TECR: variants seen among roughly 807,000 people sequenced by gnomAD.
The protein encoded by TECR is trans-2,3-enoyl-CoA reductase.
A neutral mutation model predicts 50.6 loss-of-function variants in TECR; 19 were observed. That is an observed-to-expected ratio of 0.38 (90% CI 0.26 to 0.55). The LOEUF (loss-of-function observed/expected upper bound fraction) is 0.55. TECR is among the 20% of genes least tolerant of loss of function. The pLI is 0.79. For missense variants in TECR, 313 were observed against 408.3 expected (o/e 0.77, Z 2.01); for synonymous variants, 168 against 163.5 (o/e 1.03, Z -0.21).
chr19:14,563,237 A>G lies in TECR; in HGVS notation c.98A>G (p.Lys33Arg). The change falls in exon 3 of 13, where the codon AAG becomes AGG. Residue 33 changes from lysine (K) to arginine (R), a missense_variant. Coordinates refer to ENST00000215567, the MANE Select transcript of TECR (RefSeq NM_138501.6). The surrounding 1 kb of genome is among the most constrained non-coding windows in gnomAD (Gnocchi z 5.3). The part of the protein sequence containing the change: ...VEPHATIAEI[K>R]NLFTKTHPQW... ...CCCCACGCCACCATTGCGGAGATCAAGAACCTCTTCACTAAGACCCGTGAG... is the reference window on the plus strand; with the variant it reads ...CCCCACGCCACCATTGCGGAGATCAGGAACCTCTTCACTAAGACCCGTGAG... 1 of 1,613,614 alleles carries G rather than the reference A, an allele frequency of 6.2e-7. No homozygotes were observed. Among genetic ancestry groups the G allele is most frequent in the Non-Finnish European group, 8.5e-7 (1 of 1,179,816 alleles).
chr19:14,564,035 C>A lies in TECR; in HGVS notation c.321C>A (p.Phe107Leu). The change falls in exon 6 of 13, where the codon TTC (phenylalanine) becomes TTA (leucine). Residue 107 changes from phenylalanine (F) to leucine (L), a missense_variant. Physicochemically the swap from Phe to Leu is conservative, Grantham distance 22. Transcript: ENST00000215567. ...GPLFIYLLFYFRVPFIYGHKY... is the reference protein window; with the variant it reads ...GPLFIYLLFYLRVPFIYGHKY... ...TTTTCATCTACCTGCTCTTCTACTTCCGAGTGCCCTTCATCTATGGCCACA... is the reference window on the plus strand; with the variant it reads ...TTTTCATCTACCTGCTCTTCTACTTACGAGTGCCCTTCATCTATGGCCACA... The A allele has an allele frequency of 6.2e-7, 1 of 1,614,020 alleles. No individual in the cohort carries two copies. Among genetic ancestry groups the A allele is most frequent in the Non-Finnish European group, 8.5e-7 (1 of 1,179,958 alleles).
chr19:14,543,449 T>A (rs2073195829), intron 1 of TECR, among the ~76,000 whole-genome samples: 1 of 51,956 alleles, frequency 1.9e-5, no homozygotes, highest in African/African-American at 6.5e-5. Context: ...TTTTTTTTTT[T>A]TTTTTTTGAG....
chr19:14,542,989 CT>C (rs572624462), intron 1 of TECR, among the ~76,000 whole-genome samples: 2,541 of 102,048 alleles, frequency 0.025, 48 homozygotes, highest in African/African-American at 0.068. Context: ...CTTCCAAATT[CT>C]TTTTTTTTTT....
chr19:14,541,419 G>A (rs918738216), intron 1 of TECR, among the ~76,000 whole-genome samples: 2 of 152,222 alleles, frequency 1.3e-5, no homozygotes, highest in Non-Finnish European at 2.9e-5. Flanking sequence ...GGCACTCACC[G>A]CACAGGTTGT....
chr19:14,543,727 C>A (rs192018025), intron 1 of TECR, among the ~76,000 whole-genome samples: 5 of 149,538 alleles, frequency 3.3e-5, no homozygotes, highest in African/African-American at 1.2e-4. Flanking sequence ...CGTGAGCCAC[C>A]GCGCCCGGCT....
chr19:14,548,724 C>T (rs1000997449), intron 1 of TECR, among the ~76,000 whole-genome samples: 4 of 151,994 alleles, frequency 2.6e-5, no homozygotes, highest in Non-Finnish European at 5.9e-5. Context: ...ATTACAGGCA[C>T]GCATCACCAC....
intron 1 of TECR, chr19:14,530,973 T>TACTCAGCCACCATTCC (rs1555728276): frequency 6.6e-6 from 1 of 152,216 alleles, no homozygotes; most frequent in Admixed American, 6.6e-5. Flanking sequence ...GCCACCATTC[T>TACTCAGCCACCATTCC]ACTCAGCCAC....
intron 1 of TECR, among the ~76,000 whole-genome samples, chr19:14,550,378 C>T (rs1313779890): frequency 6.6e-6 from 1 of 152,134 alleles, no homozygotes; most frequent in Non-Finnish European, 1.5e-5. Context: ...TGGGGGTGGA[C>T]TAACCTGTCT....
chr19:14,529,802 G>C, intron 1 of TECR, 91 bp downstream of exon 1: 3 of 1,584,128 alleles, frequency 1.9e-6, no homozygotes, highest in Non-Finnish European at 2.6e-6. Flanking sequence ...TTCTGGTCCT[G>C]TGCCCCGAAG....
chr19:14,545,216 G>T (rs1189759582), intron 1 of TECR: 1 of 456,712 alleles, frequency 2.2e-6, no homozygotes, highest in Non-Finnish European at 4.4e-6. Context: ...CTCTGCTCCA[G>T]CCTGCTGCTT....
chr19:14,563,293 C>T lies in TECR; in HGVS notation c.118+36C>T. The T allele has an allele frequency of 6.3e-7, 1 of 1,575,558 alleles. No individual in the cohort carries two copies. Among genetic ancestry groups the T allele is most frequent in the Non-Finnish European group, 8.7e-7 (1 of 1,144,852 alleles). ...GTCCCGGCCACACTGCCCCTGCAAC[C>T]CCTTTGACCAGGGACCTTAGGGTGG... On this transcript the variant is annotated intron_variant, in intron 3 of 12. Transcript: ENST00000215567. This position sits in a 1 kb window ranked among gnomAD's most constrained non-coding sequence, Gnocchi z 5.3.
intron 1 of TECR, among the ~76,000 whole-genome samples, chr19:14,548,941 G>A (rs965308242): frequency 3.3e-5 from 5 of 152,020 alleles, no homozygotes; most frequent in Non-Finnish European, 7.4e-5. Context: ...TGAGCATGGC[G>A]TGTTCAATAC....
At position 14,565,676 on chromosome 19, in the gene TECR, C is replaced by G. The variant is rs201028166; in HGVS notation, c.799+13C>G. 3.1e-6 allele frequency: 5 copies of G among 1,612,350 alleles called. No individual in the cohort carries two copies. The South Asian group carries it at 5.5e-5, about 18-fold the overall frequency. ...CAGTGTCTCCCAGGTGAGCCTGCCG[C>G]CCTCCCTCGGCGGGGCCCTGCCCCT... On this transcript the variant is annotated intron_variant, in intron 12 of 12. Transcript: ENST00000215567.
Position 14,563,527 on chromosome 19 carries a change from A to AG in TECR, c.119-129dup, listed in dbSNP as rs1430287855. On this transcript the variant is annotated intron_variant, in intron 3 of 12. Transcript: ENST00000215567. The surrounding 1 kb of genome is among the most constrained non-coding windows in gnomAD (Gnocchi z 5.3). ...CGCACAAGCCTGAGGGTTTGCCCCC[A>AG]GGTGGGAGGAGCTGTGGAGTCCTGG... 5.7e-6 allele frequency: 7 copies of AG among 1,219,768 alleles called. No homozygotes were observed. The African/African-American group carries it at 1.0e-4, about 18-fold the overall frequency. 75.6% of individuals were successfully genotyped at this position (1,219,768 alleles called of 1,614,324 possible).
At chr19:14,543,439 T>G (rs1446958639) in intron 1 of TECR, among the ~76,000 whole-genome samples, 1 of 49,918 alleles carries the variant, frequency 2.0e-5, no homozygotes, top group Non-Finnish European at 4.6e-5. Flanking sequence ...TTTTTTTTTT[T>G]TTTTTTTTTT....
intron 1 of TECR, among the ~76,000 whole-genome samples, chr19:14,542,421 G>C (rs1480986180): frequency 7.4e-6 from 1 of 134,970 alleles, no homozygotes; most frequent in African/African-American, 2.8e-5. Flanking sequence ...GAGTGCAGTG[G>C]TGCAATCTCG....
At chr19:14,545,240 A>C in intron 1 of TECR, 1 of 456,360 alleles carries the variant, frequency 2.2e-6, no homozygotes, top group Non-Finnish European at 4.4e-6. Context: ...TGCTCCCCCT[A>C]AAATTTACTC....
At chr19:14,535,252 A>T (rs1395947593) in intron 1 of TECR, among the ~76,000 whole-genome samples, 1 of 151,762 alleles carries the variant, frequency 6.6e-6, no homozygotes, top group Non-Finnish European at 1.5e-5. Flanking sequence ...TCATGCCTGT[A>T]ATCCCAGCAC....
chr19:14,549,150 T>C (rs375512598), intron 1 of TECR, among the ~76,000 whole-genome samples: 24 of 151,780 alleles, frequency 1.6e-4, no homozygotes, highest in African/African-American at 5.3e-4. Context: ...TGTAGTTTGC[T>C]GACCCATTTG....
Sources: allele counts gnomAD v4.1 joint callset (sites outside exome capture counted in the v4.1 genomes callset), GRCh38; gene constraint gnomAD v4.1.1; non-coding constraint Gnocchi (gnomAD v3.1); transcripts MANE v1.5; gene names NCBI Gene and HGNC (gene_info 2026-07-23, HGNC 2026-07-21).